Variants in TTLL8 observed in about 807,000 individuals in gnomAD.
TTLL8 encodes tubulin tyrosine ligase like 8.
TTLL8 carries 65 observed loss-of-function variants against 77.8 expected under a neutral mutation model. That is an observed-to-expected ratio of 0.84 (90% confidence interval 0.68 to 1.03). TTLL8 has a LOEUF of 1.03. Ranked by LOEUF, TTLL8 falls within the 50% of genes least tolerant of loss-of-function variation. TTLL8 has a pLI of 0.00. For missense variants in TTLL8, 910 were observed against 1,004.5 expected (o/e 0.91, Z 1.27); for synonymous variants, 402 against 422.8 (o/e 0.95, Z 0.60).
chr22:50,045,412 C>A (rs1209387735), intron 5 of TTLL8, 23 bp from the exon 8 acceptor site: 2 of 1,362,900 alleles, frequency 1.5e-6, no homozygotes, highest in Non-Finnish European at 2.0e-6. Flanking sequence ...CACAGCCTCG[C>A]CCTATCTGTC....
exon 4 of TTLL8, chr22:50,047,189 C>G (rs1246246824): frequency 7.3e-7 from 1 of 1,367,404 alleles, no homozygotes; most frequent in African/African-American, 1.5e-5. Context: ...AGGAGGCTGT[C>G]TTTGCGTAGT....
chr22:50,031,738 A>C, exon 11 of TTLL8: 1 of 1,349,824 alleles, frequency 7.4e-7, no homozygotes, highest in Non-Finnish European at 9.9e-7. Flanking sequence ...GTCCACGGCC[A>C]CCTTGATGGT....
chr22:50,035,661 C>T (rs1178436385), intron 8 of TTLL8, among the ~76,000 whole-genome samples: 1 of 152,166 alleles, frequency 6.6e-6, no homozygotes, highest in Non-Finnish European at 1.5e-5. Flanking sequence ...CTGAAGCAGC[C>T]TTGTCTGTGC....
chr22:50,042,194 A>G (rs2146675590), intron 6 of TTLL8, among the ~76,000 whole-genome samples: 1 of 152,372 alleles, frequency 6.6e-6, no homozygotes, highest in African/African-American at 2.4e-5. Context: ...GAACAATTTT[A>G]AGACAATGGG....
chr22:50,046,901 T>A (rs545259639), intron 4 of TTLL8, among the ~76,000 whole-genome samples: 1 of 152,262 alleles, frequency 6.6e-6, no homozygotes, highest in South Asian at 2.1e-4. Flanking sequence ...CAGCCCCCAG[T>A]CAGCCCCATC....
intron 1 of TTLL8, among the ~76,000 whole-genome samples, chr22:50,051,850 A>G (rs1275702768): frequency 6.6e-6 from 1 of 152,174 alleles, no homozygotes; most frequent in Non-Finnish European, 1.5e-5. Flanking sequence ...CAAGGAATTG[A>G]AAAATAAGTT....
At chr22:50,049,785 G>A (rs894319091) in intron 2 of TTLL8, among the ~76,000 whole-genome samples, 5 of 152,156 alleles carry the variant, frequency 3.3e-5, no homozygotes, top group Non-Finnish European at 5.9e-5. Flanking sequence ...CCTGAGGAGT[G>A]GACTTCAGGG....
chr22:50,040,539 G>T (rs2061364347), intron 8 of TTLL8, among the ~76,000 whole-genome samples: 1 of 152,238 alleles, frequency 6.6e-6, no homozygotes, highest in South Asian at 2.1e-4. Flanking sequence ...GGTTAATAGG[G>T]GCTGATGGGG....
intron 10 of TTLL8, among the ~76,000 whole-genome samples, chr22:50,032,657 T>C (rs1482146706): frequency 1.3e-5 from 2 of 152,106 alleles, no homozygotes; most frequent in African/African-American, 2.4e-5. Flanking sequence ...AGCCGTCAGG[T>C]CCCCTAGCGC....
chr22:50,022,760 C>T (rs928671060), intron 12 of TTLL8, among the ~76,000 whole-genome samples: 1 of 152,240 alleles, frequency 6.6e-6, no homozygotes. Context: ...GAATAAGACA[C>T]AAAAGGCATA....
upstream of TTLL8, chr22:50,055,412 G>A (rs1601941896): frequency 6.8e-6 from 7 of 1,025,756 alleles, no homozygotes; most frequent in Non-Finnish European, 7.8e-6. Flanking sequence ...CCAGCACTGT[G>A]GGAGGCCGAG....
At chr22:50,049,638 G>A (rs528320216) in intron 2 of TTLL8, among the ~76,000 whole-genome samples, 5 of 152,310 alleles carry the variant, frequency 3.3e-5, no homozygotes, top group African/African-American at 4.8e-5. Flanking sequence ...CGGGATGGGG[G>A]TGGGAGTGAT....
In TTLL8 at chr22:50,034,253, T is replaced by A; in HGVS notation, c.1039+92A>T. On this transcript the variant is annotated intron_variant, in intron 9 of 13. Coordinates refer to ENST00000266182, the Ensembl canonical transcript of TTLL8. The surrounding 1 kb of genome is among the most constrained non-coding windows in gnomAD (Gnocchi z 4.1). ...TGCTCCCTCCCTTCCTTCCCTGTGG[T>A]GCTGTGGGCCTGAAACTGTCCCTCA... is the stretch of plus-strand genomic sequence containing the variant. The A allele has an allele frequency of 8.0e-7, 1 of 1,244,984 alleles. No homozygotes were observed. Among genetic ancestry groups the A allele is most frequent in the Non-Finnish European group, 1.0e-6 (1 of 962,844 alleles). The allele number at this position is 1,244,984 out of a possible 1,614,324, so 77.1% of individuals were successfully genotyped here.
At chr22:50,025,542 G>C (rs1016226076) in intron 12 of TTLL8, among the ~76,000 whole-genome samples, 2 of 152,174 alleles carry the variant, frequency 1.3e-5, no homozygotes, top group African/African-American at 4.8e-5. Context: ...GGGAGGCTGA[G>C]GCAGGAGAAT....
chr22:50,040,339 A>G (rs566751970), intron 8 of TTLL8, among the ~76,000 whole-genome samples: 1 of 152,216 alleles, frequency 6.6e-6, no homozygotes, highest in South Asian at 2.1e-4. Context: ...CACATGTGCC[A>G]GTGTGGACGG....
At chr22:50,029,233 A>AC (rs754819635) in intron 12 of TTLL8, among the ~76,000 whole-genome samples, 8 of 17,556 alleles carry the variant, frequency 4.6e-4, no homozygotes, top group Non-Finnish European at 9.2e-4. Flanking sequence ...CGTCCTGAAG[A>AC]CCCCACACAC....
chr22:50,058,175 G>A (rs1475205802), upstream of TTLL8, among the ~76,000 whole-genome samples: 1 of 151,796 alleles, frequency 6.6e-6, no homozygotes, highest in Non-Finnish European at 1.5e-5. This position sits in a 1 kb window ranked among gnomAD's most constrained non-coding sequence, Gnocchi z 4.2. Context: ...TCAGTGGCTC[G>A]CGCTGCGCCG....
rs143311102 is a variant in TTLL8, at chr22:50,041,573, T to C, written c.830+48A>G. On this transcript the variant is annotated intron_variant, in intron 7 of 13. Transcript: ENST00000266182. The surrounding 1 kb of genome is among the most constrained non-coding windows in gnomAD (Gnocchi z 4.3). ...TGCACTGCCCCGGCAGCTCCTGCAA[T>C]CTGCACTCACAGCTCCGACATGTGC... 1,129 of 1,295,746 alleles carry C rather than the reference T, an allele frequency of 8.7e-4. 8 individuals are homozygous for C. In the African/African-American group the frequency reaches 0.014, roughly 17 times the overall value. 80.3% of individuals were successfully genotyped at this position (1,295,746 alleles called of 1,614,324 possible).
chr22:50,031,659 A>T lies in TTLL8; in HGVS notation c.1707+27T>A, dbSNP rs1425984329. ...GCATCCACATGGCGGGCGGCCACCA[A>T]AGTCCCCAGGGGCGGGCGTGGCTCA... On this transcript the variant is annotated intron_variant, in intron 11 of 13. Transcript: ENST00000266182. 6.4e-6 allele frequency: 8 copies of T among 1,241,424 alleles called. No individual in the cohort carries two copies. In the East Asian group the frequency reaches 4.3e-4, roughly 67 times the overall value. The allele number at this position is 1,241,424 out of a possible 1,614,324, so 76.9% of individuals were successfully genotyped here.
Sources: allele counts gnomAD v4.1 joint callset (sites outside exome capture counted in the v4.1 genomes callset), GRCh38; gene constraint gnomAD v4.1.1; non-coding constraint Gnocchi (gnomAD v3.1); transcripts MANE v1.5; gene names NCBI Gene and HGNC (gene_info 2026-07-23, HGNC 2026-07-21).